Variants in BRD4 observed in about 807,000 individuals in gnomAD.
BRD4 encodes the protein bromodomain-containing protein 4.
A neutral mutation model predicts 142.1 loss-of-function variants in BRD4; 16 were observed. The ratio of observed to expected loss-of-function variants is 0.11; its 90% CI spans 0.08 to 0.17. The LOEUF (loss-of-function observed/expected upper bound fraction) is 0.17, where lower values mean the gene tolerates loss of function less well. Ranked by LOEUF, BRD4 falls within the 10% of genes least tolerant of loss-of-function variation. BRD4 has a pLI of 1.00. For missense variants in BRD4, 1,424 were observed against 1,810.9 expected (o/e 0.79, Z 3.88); for synonymous variants, 833 against 707.5 (o/e 1.18, Z -2.82).
At chr19:15,263,789 G>A (rs1164137362) in intron 6 of BRD4, among the ~76,000 whole-genome samples, 2 of 152,190 alleles carry the variant, frequency 1.3e-5, no homozygotes, top group East Asian at 3.9e-4. Flanking sequence ...GAACCCACAG[G>A]AGGCGGAGCC....
intron 1 of BRD4, among the ~76,000 whole-genome samples, chr19:15,329,161 A>C (rs1434774382): frequency 6.6e-6 from 1 of 152,004 alleles, no homozygotes; most frequent in Admixed American, 6.6e-5. Context: ...ACCAGCAAGG[A>C]ATTCCCCACA....
Position 15,268,871 on chromosome 19 carries a change from C to G in BRD4, c.423+34G>C, listed in dbSNP as rs758892199. On this transcript the variant is annotated intron_variant, in intron 3 of 19. Coordinates refer to ENST00000679869, the MANE Select transcript of BRD4 (RefSeq NM_001379291.1). ...TGCCGTCGCCTCCCCTCCTCTCTCCCCAGGGCAGCTGGACACCCACCCCTA... is the reference window on the plus strand; with the variant it reads ...TGCCGTCGCCTCCCCTCCTCTCTCCGCAGGGCAGCTGGACACCCACCCCTA... The G allele has an allele frequency of 3.1e-6, 5 of 1,612,088 alleles. No homozygotes were observed. The South Asian group carries it at 5.5e-5, about 18-fold the overall frequency.
chr19:15,256,361 C>T, intron 8 of BRD4, 98 bp from the exon 9 acceptor site: 1 of 1,439,402 alleles, frequency 6.9e-7, no homozygotes, highest in Non-Finnish European at 9.4e-7. Flanking sequence ...CGACAGCATG[C>T]ACCTGGGGCA....
rs377049503 is a variant in BRD4 at position 15,287,397 on chromosome 19, G to A, written c.-34-14264C>T. Among the ~76,000 whole-genome samples the A allele has an allele frequency of 3.9e-4, 59 of 152,214 alleles. 3 individuals carry two copies. The South Asian group carries it at 0.011, about 28-fold the overall frequency. On this transcript the variant is annotated intron_variant, in intron 1 of 19. Coordinates refer to ENST00000679869, the MANE Select transcript of BRD4 (RefSeq NM_001379291.1). The stretch of plus-strand genomic sequence containing the variant: ...ACTATGCAATCACTATCTAGCTCCA[G>A]AACTTTTTAATTTATGTATTTATTT...
chr19:15,302,803 A>G (rs982950344), intron 1 of BRD4, among the ~76,000 whole-genome samples: 1 of 151,684 alleles, frequency 6.6e-6, no homozygotes, highest in Non-Finnish European at 1.5e-5. Context: ...TAGGAGATCG[A>G]GACCATCCTG....
At chr19:15,263,854 G>C (rs1325153312) in intron 6 of BRD4, among the ~76,000 whole-genome samples, 1 of 152,226 alleles carries the variant, frequency 6.6e-6, no homozygotes, top group Non-Finnish European at 1.5e-5. Flanking sequence ...AGCTCATCGT[G>C]ATGACACAGT....
At chr19:15,288,100 C>T (rs1348227037) in intron 1 of BRD4, among the ~76,000 whole-genome samples, 2 of 152,120 alleles carry the variant, frequency 1.3e-5, no homozygotes, top group African/African-American at 4.8e-5. Context: ...CTGATTAATA[C>T]TTCATATTTT....
chr19:15,297,450 C>A (rs75951042), intron 1 of BRD4, among the ~76,000 whole-genome samples: 1 of 152,204 alleles, frequency 6.6e-6, no homozygotes, highest in African/African-American at 2.4e-5. Flanking sequence ...ACCGAACCCC[C>A]CCAAACCCTG....
intron 1 of BRD4, among the ~76,000 whole-genome samples, chr19:15,317,556 C>G (rs1175453955): frequency 1.3e-5 from 2 of 151,788 alleles, no homozygotes; most frequent in African/African-American, 2.4e-5. Flanking sequence ...CTGAACTTTT[C>G]AGAGTCAACA....
intron 11 of BRD4, chr19:15,249,137 G>A (rs2047318196): frequency 5.7e-6 from 8 of 1,415,300 alleles, no homozygotes; most frequent in East Asian, 4.9e-5. Context: ...AATCCACCCC[G>A]GGGGACAGGC....
In BRD4 at chr19:15,306,319, A is replaced by G. The variant is rs539212664; in HGVS notation, c.-35+25971T>C. Among the ~76,000 whole-genome samples the G allele has an allele frequency of 8.7e-4, 133 of 152,298 alleles. 4 individuals carry two copies. In the South Asian group the frequency reaches 0.026, roughly 30 times the overall value. ...GGTATTGCTCTGTCATCCAGGCTGG[A>G]GTGCAGTGGCATGATCACAGCTCGC... On this transcript the variant is annotated intron_variant, in intron 1 of 19. Transcript: ENST00000679869.
At chr19:15,297,017 C>T (rs1286413257) in intron 1 of BRD4, among the ~76,000 whole-genome samples, 1 of 152,174 alleles carries the variant, frequency 6.6e-6, no homozygotes, top group Admixed American at 6.5e-5. Context: ...GGCACCTCAG[C>T]CCCAGGTCCA....
intron 1 of BRD4, chr19:15,331,936 G>GGCCC (rs1363614236): frequency 7.0e-6 from 1 of 142,060 alleles, no homozygotes; most frequent in African/African-American, 2.5e-5. Context: ...CGGGCGCCTC[G>GGCCC]GCCCGCCCCC....
In BRD4 at chr19:15,239,792, G is replaced by A. The variant is rs754011460; in HGVS notation, c.3312C>T (p.Pro1104=). ...CCTCCTTCACCACCACGAGGGGCTGGGGCTGGACCACGGAGGCAGCACGCA... is the reference window on the plus strand; with the variant it reads ...CCTCCTTCACCACCACGAGGGGCTGAGGCTGGACCACGGAGGCAGCACGCA... ...QELRAASVVQ[P]QPLVVVKEEK... Residue 1104 remains proline (P), a synonymous_variant, in exon 16 of 20, where the codon CCC becomes CCT. Transcript: ENST00000679869. This position sits in a 1 kb window ranked among gnomAD's most constrained non-coding sequence, Gnocchi z 7.4. The A allele has an allele frequency of 1.2e-6, 2 of 1,613,172 alleles. No individual in the cohort carries two copies. Among genetic ancestry groups the A allele is most frequent in the African/African-American group, 2.7e-5 (2 of 74,926 alleles).
intron 1 of BRD4, among the ~76,000 whole-genome samples, chr19:15,316,488 G>A (rs1480290304): frequency 2.4e-4 from 36 of 152,088 alleles, no homozygotes; most frequent in Non-Finnish European, 1.3e-4. Context: ...CAACTCAGGA[G>A]GCTGAGGCAG....
intron 2 of BRD4, among the ~76,000 whole-genome samples, chr19:15,271,012 C>T (rs1220785944): frequency 3.3e-5 from 5 of 152,220 alleles, no homozygotes; most frequent in Non-Finnish European, 4.4e-5. Flanking sequence ...GGACCAAGAA[C>T]GTCCTGGCCA....
rs1231679198 is a variant in BRD4, at chr19:15,255,564, T to C, written c.1780A>G (p.Lys594Glu). The stretch of plus-strand genomic sequence containing the variant: ...TCCGACTCATACGTGGGAGGGGGCT[T>C]GCTCTTCATGGGCGCTGGCTCCTTC... Reference protein sequence around the residue: ...SKKEPAPMKSKPPPTYESEEE... With the variant: ...SKKEPAPMKSEPPPTYESEEE... The change falls in exon 10 of 20, where the codon AAG (lysine) becomes GAG (glutamate). Residue 594 changes from lysine (K) to glutamate (E), a missense_variant. This residue lies in a region of BRD4 where 86 missense variants were observed against 78.9 expected (regional missense o/e 1.09). Transcript: ENST00000679869. 6.2e-7 allele frequency: 1 copy of C among 1,609,318 alleles called. No homozygotes were observed. Among genetic ancestry groups the C allele is most frequent in the African/African-American group, 1.3e-5 (1 of 74,808 alleles).
In BRD4 at chr19:15,295,256, G is replaced by C. The variant is rs1330263378; in HGVS notation, c.-34-22123C>G. On this transcript the variant is annotated intron_variant, in intron 1 of 19. Transcript: ENST00000679869. Reference sequence around the variant, plus strand: ...GCATCTAACAAGAGCCCAGGGACTAGAGACAGGTTCCCGCATCTCTCTCAC... The same window carrying C: ...GCATCTAACAAGAGCCCAGGGACTACAGACAGGTTCCCGCATCTCTCTCAC... Among the ~76,000 whole-genome samples, 3 of 152,200 alleles carry C rather than the reference G, an allele frequency of 2.0e-5. No individual in the cohort carries two copies. In the South Asian group the frequency reaches 6.2e-4, roughly 31 times the overall value.
intron 1 of BRD4, among the ~76,000 whole-genome samples, chr19:15,330,600 CT>C (rs768024952): frequency 2.5e-4 from 38 of 152,162 alleles, no homozygotes; most frequent in Middle Eastern, 3.4e-3. Flanking sequence ...ACCCGCGTCT[CT>C]CCTAAAAATG....
Sources: gnomAD v4.1 joint callset for allele counts (sites outside exome capture counted in the v4.1 genomes callset) on GRCh38, gnomAD v4.1.1 for gene constraint, gnomAD v4.1.1 regional missense constraint, Gnocchi (gnomAD v3.1) non-coding constraint, MANE v1.5 for transcripts, NCBI Gene and HGNC (gene_info 2026-07-23, HGNC 2026-07-21) for gene names.